RAB12: variants seen among roughly 807,000 people sequenced by gnomAD.
RAB12 encodes the protein RAB12, member RAS oncogene family.
In RAB12, 11 loss-of-function variants were observed where a neutral mutation model predicts 28.4. The ratio of observed to expected loss-of-function variants is 0.39; its 90% CI spans 0.24 to 0.64. The LOEUF (loss-of-function observed/expected upper bound fraction) is 0.64. RAB12 is among the 30% of genes least tolerant of loss of function. The pLI is 0.50. For missense variants in RAB12, 276 were observed against 351.1 expected (o/e 0.79, Z 1.71); for synonymous variants, 138 against 145.3 (o/e 0.95, Z 0.36).
chr18:8,614,522 A>G (rs1349447797), intron 1 of RAB12, among the ~76,000 whole-genome samples: 3 of 147,414 alleles, frequency 2.0e-5, no homozygotes, highest in Admixed American at 6.9e-5. Context: ...AAAAAAAGAA[A>G]AAAAAAAGAC....
intron 1 of RAB12, among the ~76,000 whole-genome samples, chr18:8,621,645 G>A (rs1361429801): frequency 6.6e-6 from 1 of 151,922 alleles, no homozygotes; most frequent in Non-Finnish European, 1.5e-5. Flanking sequence ...AGGGTCAGGG[G>A]GTACATGTGC....
intron 1 of RAB12, among the ~76,000 whole-genome samples, chr18:8,618,030 G>A (rs1032368962): frequency 5.9e-5 from 9 of 151,998 alleles, no homozygotes; most frequent in African/African-American, 1.2e-4. Context: ...ATTCTCATAC[G>A]TGTGTACACT....
intron 3 of RAB12, chr18:8,635,143 TG>T (rs1192017348): frequency 1.3e-5 from 2 of 157,590 alleles, no homozygotes; most frequent in African/African-American, 4.8e-5. Flanking sequence ...TTCTGAAGCG[TG>T]TGTTTTTTTA....
At chr18:8,632,298 A>AG (rs1380822196) in intron 2 of RAB12, among the ~76,000 whole-genome samples, 1 of 151,912 alleles carries the variant, frequency 6.6e-6, no homozygotes, top group Non-Finnish European at 1.5e-5. Context: ...AAAAAAAAAA[A>AG]AAAAGTAATT....
At position 8,639,030 on chromosome 18, in the gene RAB12, C is replaced by T. The variant is rs901996101; in HGVS notation, c.*768C>T. 2 of 151,980 alleles carry T rather than the reference C, an allele frequency of 1.3e-5. No individual in the cohort carries two copies. The highest frequency in any genetic ancestry group is 4.8e-5 in the African/African-American group (2 of 41,368). The allele number at this position is 151,980 out of a possible 1,614,324, so 9.4% of individuals were successfully genotyped here. A position where few individuals can be genotyped will look rare whatever the true frequency, so the allele number is the denominator to read the frequency against. On this transcript the variant is annotated 3_prime_UTR_variant, in exon 6 of 6. Coordinates refer to ENST00000649141, the MANE Select transcript of RAB12 (RefSeq NM_001025300.3). ...TGTTTAAAGGAATTTTAAAGAGATGCATTTTACTATATCAAAGAACATACG... is the reference window on the plus strand; with the variant it reads ...TGTTTAAAGGAATTTTAAAGAGATGTATTTTACTATATCAAAGAACATACG...
chr18:8,632,395 C>T (rs1021439337), intron 2 of RAB12, among the ~76,000 whole-genome samples: 1 of 151,968 alleles, frequency 6.6e-6, no homozygotes, highest in Non-Finnish European at 1.5e-5. Context: ...GATGTCAGTG[C>T]AGACTTGAGG....
In RAB12 at chr18:8,636,333, A is replaced by T; in HGVS notation, c.885A>T (p.Lys295Asn). Residue 295 changes from lysine (K) to asparagine (N), a missense_variant, in exon 5 of 6, where the codon AAA (lysine) becomes AAT (asparagine). Transcript: ENST00000649141. ...TCAATGTGGACGAGATATTTTTGAAACTTGTCGATGACATTCTGAAAAAGG... is the reference window on the plus strand; with the variant it reads ...TCAATGTGGACGAGATATTTTTGAATCTTGTCGATGACATTCTGAAAAAGG... ...DNFNVDEIFLKLVDDILKKMP... is the reference protein window; with the variant it reads ...DNFNVDEIFLNLVDDILKKMP... 6.2e-7 allele frequency: 1 copy of T among 1,607,672 alleles called. No homozygotes were observed. Among genetic ancestry groups the T allele is most frequent in the Non-Finnish European group, 8.5e-7 (1 of 1,175,774 alleles).
Position 8,629,964 on chromosome 18 carries a change from A to G in RAB12, c.576-3225A>G, listed in dbSNP as rs1191742302. On this transcript the variant is annotated intron_variant, in intron 2 of 5. Transcript: ENST00000649141. Reference sequence around the variant, plus strand: ...ATGGTCTTTAAAGAAATCGCTTTGCAAGTGTTAGTCCTTCCTGATTGGAAG... The same window carrying G: ...ATGGTCTTTAAAGAAATCGCTTTGCGAGTGTTAGTCCTTCCTGATTGGAAG... Among the ~76,000 whole-genome samples the G allele has an allele frequency of 2.0e-5, 3 of 152,224 alleles. 1 individual carries two copies. Among genetic ancestry groups the G allele is most frequent in the Non-Finnish European group, 2.9e-5 (2 of 68,042 alleles).
chr18:8,631,130 C>T (rs760447613), intron 2 of RAB12, among the ~76,000 whole-genome samples: 41 of 152,316 alleles, frequency 2.7e-4, no homozygotes, highest in Admixed American at 1.8e-3. Flanking sequence ...CCTCAGGTGA[C>T]TTGCCCACCT....
chr18:8,625,004 T>C lies in RAB12; in HGVS notation c.575+6T>C. 1 of 1,574,734 alleles carries C rather than the reference T, an allele frequency of 6.4e-7. No homozygotes were observed. Among genetic ancestry groups the C allele is most frequent in the East Asian group, 2.2e-5 (1 of 44,658 alleles). On this transcript the variant is annotated splice_donor_region_variant and intron_variant, in intron 2 of 5. Coordinates refer to ENST00000649141, the MANE Select transcript of RAB12 (RefSeq NM_001025300.3). ...AAAATTAGATTACAGATCTGGTAAG[T>C]GGGAGAGTGTGCACCCAGTAATGTG...
intron 1 of RAB12, among the ~76,000 whole-genome samples, chr18:8,617,278 A>G (rs951074490): frequency 6.6e-6 from 1 of 152,202 alleles, no homozygotes; most frequent in African/African-American, 2.4e-5. Flanking sequence ...TTACCCTTTA[A>G]TGATACACAC....
chr18:8,627,597 A>G (rs9304017), intron 2 of RAB12, among the ~76,000 whole-genome samples: 18,280 of 152,326 alleles, frequency 0.12, 1,313 homozygotes, highest in Admixed American at 0.17. Flanking sequence ...AAAATAAAAC[A>G]TGTTGACTAG....
chr18:8,622,692 A>G (rs2096010552), intron 1 of RAB12, among the ~76,000 whole-genome samples: 1 of 152,126 alleles, frequency 6.6e-6, no homozygotes, highest in African/African-American at 2.4e-5. Context: ...TTTGAGAGCA[A>G]CCGGTCTGAC....
chr18:8,637,024 A>T (rs908818775), intron 5 of RAB12, among the ~76,000 whole-genome samples: 3 of 152,216 alleles, frequency 2.0e-5, no homozygotes, highest in Non-Finnish European at 4.4e-5. Context: ...AGCACTTTGG[A>T]AAGTCAAGGT....
Position 8,633,536 on chromosome 18 carries a change from C to T in RAB12, c.714+209C>T, listed in dbSNP as rs191878267. 2.1e-3 allele frequency among the ~76,000 whole-genome samples: 325 copies of T among 152,290 alleles called. 3 individuals carry two copies. The highest frequency in any genetic ancestry group is 6.8e-3 in the Middle Eastern group (2 of 294). On this transcript the variant is annotated intron_variant, in intron 3 of 5. Transcript: ENST00000649141. ...AAATTTATCCAGAATCAGGATTTTT[C>T]GTCTGGTATCCTGGACTGTCTCAAC...
intron 1 of RAB12, among the ~76,000 whole-genome samples, chr18:8,622,182 C>T (rs1056873182): frequency 7.2e-5 from 11 of 152,186 alleles, no homozygotes; most frequent in African/African-American, 2.7e-4. Flanking sequence ...AAAGAAATAT[C>T]ATCTGCCAGT....
At chr18:8,618,704 A>G (rs995060756) in intron 1 of RAB12, among the ~76,000 whole-genome samples, 4 of 152,210 alleles carry the variant, frequency 2.6e-5, no homozygotes, top group African/African-American at 9.6e-5. Flanking sequence ...GGTAGAGACG[A>G]GGTTTCACCG....
chr18:8,613,606 T>G (rs534382953), intron 1 of RAB12, among the ~76,000 whole-genome samples: 61 of 152,352 alleles, frequency 4.0e-4, no homozygotes, highest in Non-Finnish European at 8.1e-4. Context: ...TCTGTCAATC[T>G]TTGTTTTATT....
At chr18:8,633,421 G>A (rs1338335553) in intron 3 of RAB12, 94 bp downstream of exon 3, 3 of 1,405,330 alleles carry the variant, frequency 2.1e-6, no homozygotes, top group Non-Finnish European at 3.0e-6. Flanking sequence ...TATTGAGCAT[G>A]TTTTCATATA....
Sources: allele counts gnomAD v4.1 joint callset (sites outside exome capture counted in the v4.1 genomes callset), GRCh38; gene constraint gnomAD v4.1.1; transcripts MANE v1.5; gene names NCBI Gene and HGNC (gene_info 2026-07-23, HGNC 2026-07-21).